The following PPP2R2B variants were observed in gnomAD, a reference collection of about 807,000 sequenced individuals.
PPP2R2B encodes the protein protein phosphatase 2 regulatory subunit Bbeta, also known as serine/threonine-protein phosphatase 2A 55 kDa regulatory subunit B beta isoform.
Under a neutral mutation model 46.0 loss-of-function variants are expected in PPP2R2B, and 5 were observed. The ratio of observed to expected loss-of-function variants is 0.11; its 90% CI spans 0.06 to 0.23. The LOEUF is 0.23. Among genes scored for constraint, PPP2R2B ranks in the 10% least tolerant of loss-of-function variants. The probability of loss-of-function intolerance (pLI) is 1.00; values close to 1 mark genes in which losing one functional copy is unlikely to be tolerated. For missense variants in PPP2R2B, 367 were observed against 575.0 expected, an observed-to-expected ratio of 0.64 and a Z score of 3.70; for synonymous variants, 215 against 206.7, an observed-to-expected ratio of 1.04 and a Z score of -0.34.
Position 146,698,151 on chromosome 5 carries a change from G to T in PPP2R2B, c.169-7C>A, listed in dbSNP as rs1371940316. 6.4e-7 allele frequency: 1 copy of T among 1,569,886 alleles called. No homozygotes were observed. Among genetic ancestry groups the T allele is most frequent in the South Asian group, 1.2e-5 (1 of 84,588 alleles). The stretch of plus-strand genomic sequence containing the variant: ...GATGAACCTGATTTTTACTCTGTAG[G>T]AAAGGAAAAAAATACACAACAGATT... On this transcript the variant is annotated splice_polypyrimidine_tract_variant and splice_region_variant and intron_variant, in intron 3 of 9. Coordinates refer to ENST00000394411, the MANE Select transcript of PPP2R2B (RefSeq NM_181675.4).
At chr5:147,029,746 A>G (rs1755690922) in intron 1 of PPP2R2B, among the ~76,000 whole-genome samples, 1 of 152,216 alleles carries the variant, frequency 6.6e-6, no homozygotes, top group South Asian at 2.1e-4. Context: ...GTGGGCACGC[A>G]TAAAGGAAAG....
chr5:146,651,200 T>C (rs1775933481), intron 5 of PPP2R2B, among the ~76,000 whole-genome samples: 1 of 152,206 alleles, frequency 6.6e-6, no homozygotes, highest in Non-Finnish European at 1.5e-5. Context: ...GGCTTTGTCC[T>C]TAATCCTTAA....
chr5:147,035,645 T>C (rs563857394), intron 1 of PPP2R2B, among the ~76,000 whole-genome samples: 4 of 152,266 alleles, frequency 2.6e-5, no homozygotes, highest in African/African-American at 9.6e-5. Flanking sequence ...ACATGCAAAG[T>C]AGAAAGTCAT....
chr5:146,907,994 A>G (rs1380223123), intron 1 of PPP2R2B, among the ~76,000 whole-genome samples: 2 of 152,186 alleles, frequency 1.3e-5, no homozygotes, highest in South Asian at 2.1e-4. Flanking sequence ...AAAACTGCCG[A>G]GCAGAACAGC....
At chr5:146,787,220 G>A (rs1317369861) in intron 2 of PPP2R2B, among the ~76,000 whole-genome samples, 2 of 152,134 alleles carry the variant, frequency 1.3e-5, no homozygotes, top group African/African-American at 4.8e-5. Flanking sequence ...GAGCAGGCTG[G>A]AAGGGAAATA....
rs919076736 is a variant in PPP2R2B at position 146,878,231 on chromosome 5, T to A, written c.-124-36A>T. 5 of 1,529,546 alleles carry A rather than the reference T, an allele frequency of 3.3e-6. No individual in the cohort carries two copies. Among genetic ancestry groups the A allele is most frequent in the Non-Finnish European group, 3.5e-6 (4 of 1,139,550 alleles). 94.7% of individuals were successfully genotyped at this position (1,529,546 alleles called of 1,614,324 possible). On this transcript the variant is annotated intron_variant, in intron 1 of 9. Transcript: ENST00000394411. This position sits in a 1 kb window ranked among gnomAD's most constrained non-coding sequence, Gnocchi z 4.5. ...GACGGGGAGGCGGAGAGAAAAAAAA[T>A]AAAAACCCGGCAATGGAGCTGTCAC... is the stretch of plus-strand genomic sequence containing the variant.
chr5:146,723,892 CA>C (rs1379394977), intron 2 of PPP2R2B, among the ~76,000 whole-genome samples: 1 of 152,132 alleles, frequency 6.6e-6, no homozygotes, highest in Non-Finnish European at 1.5e-5. Context: ...AACAAATCCA[CA>C]AATCTCATTA....
intron 2 of PPP2R2B, among the ~76,000 whole-genome samples, chr5:146,763,284 C>T (rs566902955): frequency 1.6e-4 from 24 of 152,238 alleles, no homozygotes; most frequent in Middle Eastern, 6.8e-3. Flanking sequence ...ATTTGATAAA[C>T]GGGAACCCAC....
chr5:147,013,157 C>G (rs1158476035), intron 1 of PPP2R2B, among the ~76,000 whole-genome samples: 2 of 141,920 alleles, frequency 1.4e-5, no homozygotes, highest in African/African-American at 2.5e-5. Context: ...GAATAAAATA[C>G]CTAGGAATCC....
chr5:146,886,748 T>G (rs1405682229), intron 1 of PPP2R2B, among the ~76,000 whole-genome samples: 1 of 152,160 alleles, frequency 6.6e-6, no homozygotes, highest in Admixed American at 6.5e-5. Context: ...AGTTTTCTTT[T>G]GTGTTCATGT....
intron 2 of PPP2R2B, among the ~76,000 whole-genome samples, chr5:146,745,202 GA>G (rs1753113235): frequency 2.8e-5 from 3 of 107,934 alleles, no homozygotes; most frequent in Non-Finnish European, 5.8e-5. Flanking sequence ...GAGAGAGAGA[GA>G]GAGAAAGAGA....
intron 2 of PPP2R2B, among the ~76,000 whole-genome samples, chr5:146,835,772 A>G (rs1402673348): frequency 1.3e-5 from 2 of 152,140 alleles, no homozygotes; most frequent in African/African-American, 2.4e-5. Context: ...AGGAGTCATC[A>G]TTTGTAAATA....
intron 2 of PPP2R2B, among the ~76,000 whole-genome samples, chr5:146,751,892 G>A (rs1216352848): frequency 1.3e-5 from 2 of 152,138 alleles, no homozygotes; most frequent in Admixed American, 6.5e-5. Flanking sequence ...AGAGCCTGAC[G>A]CAGGAGCACA....
At chr5:146,709,793 C>T (rs892972815) in intron 2 of PPP2R2B, among the ~76,000 whole-genome samples, 1 of 152,174 alleles carries the variant, frequency 6.6e-6, no homozygotes, top group Non-Finnish European at 1.5e-5. Context: ...CTAAAACCTA[C>T]CTTAAGACAG....
At chr5:146,920,550 C>A (rs1257340305) in intron 1 of PPP2R2B, among the ~76,000 whole-genome samples, 1 of 152,184 alleles carries the variant, frequency 6.6e-6, no homozygotes, top group Non-Finnish European at 1.5e-5. Context: ...TGCTTTCCGA[C>A]TGAGTTAACC....
In PPP2R2B at chr5:146,964,814, C is replaced by T. The variant is rs529956888; in HGVS notation, c.79+90851G>A. On this transcript the variant is annotated intron_variant, in intron 1 of 8. Transcript: ENST00000336640. ...TGCTGGGATTACAGGTGTGAGCCAC[C>T]GCACCTGACCGGCATCTCCTATATT... 1.8e-3 allele frequency among the ~76,000 whole-genome samples: 269 copies of T among 152,184 alleles called. 3 individuals carry two copies. Among genetic ancestry groups the T allele is most frequent in the African/African-American group, 5.9e-3 (246 of 41,522 alleles).
chr5:146,769,262 GCATCAGGAA>G (rs1199299366), intron 2 of PPP2R2B, among the ~76,000 whole-genome samples: 1 of 152,138 alleles, frequency 6.6e-6, no homozygotes, highest in African/African-American at 2.4e-5. Flanking sequence ...GAAACCAACA[GCATCAGGAA>G]CATCTGGGAA....
At position 146,878,727 on chromosome 5, in the gene PPP2R2B, AGCTGCTGCTGCTGCTGCT is replaced by A. The variant is rs10591869; in HGVS notation, c.-279_-262del. ...CTCACACCCACACGCGCGCACTCGCAGCTGCTGCTGCTGCTGCTGCTGCTGCTGCTGCAGGAGGCTGGA... is the reference window on the plus strand; with the variant it reads ...CTCACACCCACACGCGCGCACTCGCAGCTGCTGCTGCTGCAGGAGGCTGGA... On this transcript the variant is annotated 5_prime_UTR_variant, in exon 1 of 10. Transcript: ENST00000394411. The surrounding 1 kb of genome is among the most constrained non-coding windows in gnomAD (Gnocchi z 4.5). The A allele has an allele frequency of 1.7e-4, 215 of 1,297,602 alleles. No individual in the cohort carries two copies. The highest frequency in any genetic ancestry group is 3.6e-4 in the South Asian group (28 of 77,234). The allele number at this position is 1,297,602 out of a possible 1,614,324, so 80.4% of individuals were successfully genotyped here. A position where few individuals can be genotyped will look rare whatever the true frequency, so the allele number is the denominator to read the frequency against.
At chr5:146,680,058 G>T (rs1317730272) in intron 5 of PPP2R2B, among the ~76,000 whole-genome samples, 4 of 150,820 alleles carry the variant, frequency 2.7e-5, no homozygotes, top group Non-Finnish European at 4.4e-5. Context: ...TATACCCAAA[G>T]GACTATAAAT....
Sources: gnomAD v4.1 joint callset for allele counts (sites outside exome capture counted in the v4.1 genomes callset) on GRCh38, gnomAD v4.1.1 for gene constraint, Gnocchi (gnomAD v3.1) non-coding constraint, MANE v1.5 for transcripts, NCBI Gene and HGNC (gene_info 2026-07-23, HGNC 2026-07-21) for gene names.